Variants in SPTBN1 observed in about 807,000 individuals in gnomAD.
SPTBN1 encodes the protein spectrin beta, non-erythrocytic 1, also known as spectrin beta chain, non-erythrocytic 1.
In SPTBN1, 32 loss-of-function variants were observed where a neutral mutation model predicts 266.4. The observed-to-expected ratio is 0.12, with a 90% confidence interval of 0.09 to 0.16. The LOEUF (loss-of-function observed/expected upper bound fraction) is 0.16, where lower values mean the gene tolerates loss of function less well. Among genes scored for constraint, SPTBN1 ranks in the 10% least tolerant of loss-of-function variants. The probability of loss-of-function intolerance (pLI) is 1.00; values close to 1 mark genes in which losing one functional copy is unlikely to be tolerated. For missense variants in SPTBN1, 2,296 were observed against 3,067.1 expected, an observed-to-expected ratio of 0.75 and a Z score of 5.94; for synonymous variants, 1,336 against 1,162.2, an observed-to-expected ratio of 1.15 and a Z score of -3.04.
intron 2 of SPTBN1, chr2:54,535,165 A>G (rs1671527227): frequency 6.6e-6 from 1 of 152,258 alleles, no homozygotes; most frequent in Non-Finnish European, 1.5e-5. Flanking sequence ...GGAAAAATGT[A>G]TGTGACCTTT....
intron 2 of SPTBN1, among the ~76,000 whole-genome samples, chr2:54,536,605 A>C (rs574467406): frequency 2.6e-5 from 4 of 152,370 alleles, no homozygotes; most frequent in Non-Finnish European, 4.4e-5. Context: ...TATTTGGTCT[A>C]TGTCTAATGA....
At chr2:54,620,753 A>T (rs568139239) in intron 7 of SPTBN1, among the ~76,000 whole-genome samples, 1 of 152,316 alleles carries the variant, frequency 6.6e-6, no homozygotes, top group South Asian at 2.1e-4. Context: ...TGAATATTTG[A>T]CAAATTGATG....
At chr2:54,534,085 G>A (rs1455629338) in intron 2 of SPTBN1, among the ~76,000 whole-genome samples, 1 of 152,196 alleles carries the variant, frequency 6.6e-6, no homozygotes, top group Admixed American at 6.5e-5. Context: ...CTAGGCTGCA[G>A]GTCTCTGAGA....
intron 3 of SPTBN1, among the ~76,000 whole-genome samples, chr2:54,600,714 A>ATTTTTT (rs374090607): frequency 7.9e-6 from 1 of 126,958 alleles, no homozygotes. Flanking sequence ...TTATTTATTG[A>ATTTTTT]TTTTTTTTTT....
chr2:54,566,185 C>CTTTTTTTTTTTTTTTTTTT (rs59369956), intron 2 of SPTBN1, among the ~76,000 whole-genome samples: 1 of 125,224 alleles, frequency 8.0e-6, no homozygotes, highest in African/African-American at 3.1e-5. Context: ...TTTCTTTTTT[C>CTTTTTTTTTTTTTTTTTTT]TTTTTTTTTT....
intron 2 of SPTBN1, among the ~76,000 whole-genome samples, chr2:54,577,706 A>G (rs1236322219): frequency 6.6e-6 from 1 of 152,232 alleles, no homozygotes; most frequent in Non-Finnish European, 1.5e-5. Context: ...GTGCCCAAGG[A>G]CACTTAACTA....
At chr2:54,573,973 A>G (rs1415261048) in intron 2 of SPTBN1, among the ~76,000 whole-genome samples, 1 of 152,166 alleles carries the variant, frequency 6.6e-6, no homozygotes, top group African/African-American at 2.4e-5. Flanking sequence ...TGTGAGAATC[A>G]GTTAGAATAA....
intron 2 of SPTBN1, among the ~76,000 whole-genome samples, chr2:54,560,630 A>G (rs956714387): frequency 6.6e-6 from 1 of 152,226 alleles, no homozygotes; most frequent in Non-Finnish European, 1.5e-5. Flanking sequence ...CGAAAGGGGT[A>G]AGCTTCGTGT....
In SPTBN1 at chr2:54,628,227, A is replaced by G. The variant is rs1021178537; in HGVS notation, c.1775A>G (p.Gln592Arg). ...ERVRGVNASA[Q>R]KFATDGEGYK... ...GTGAGAGGTGTCAATGCCTCCGCCCAGAAGTTCGCAACAGACGGGGAAGGT... is the reference window on the plus strand; with the variant it reads ...GTGAGAGGTGTCAATGCCTCCGCCCGGAAGTTCGCAACAGACGGGGAAGGT... Residue 592 changes from glutamine (Q) to arginine (R), a missense_variant, in exon 13 of 36, where the codon CAG becomes CGG. This residue lies in a region of SPTBN1 where 434 missense variants were observed against 573.9 expected (regional missense o/e 0.76). Transcript: ENST00000356805. This position sits in a 1 kb window ranked among gnomAD's most constrained non-coding sequence, Gnocchi z 4.3. The G allele has an allele frequency of 4.3e-6, 7 of 1,613,694 alleles. No individual in the cohort carries two copies. The highest frequency in any genetic ancestry group is 5.9e-6 in the Non-Finnish European group (7 of 1,179,792).
intron 1 of SPTBN1, among the ~76,000 whole-genome samples, chr2:54,476,338 TA>T (rs1213685985): frequency 1.3e-5 from 2 of 152,188 alleles, no homozygotes; most frequent in African/African-American, 4.8e-5. Context: ...GTGTGATCAT[TA>T]AAAGTTTCTA....
chr2:54,491,824 C>A (rs1668699526), intron 1 of SPTBN1, among the ~76,000 whole-genome samples: 1 of 152,146 alleles, frequency 6.6e-6, no homozygotes, highest in Non-Finnish European at 1.5e-5. Context: ...TGGTCTTGAA[C>A]TTCTAGGCTC....
chr2:54,632,152 AGGGTCAG>A (rs1678782602), intron 16 of SPTBN1, among the ~76,000 whole-genome samples: 1 of 151,642 alleles, frequency 6.6e-6, no homozygotes, highest in African/African-American at 2.4e-5. Context: ...TTGCTCTAGA[AGGGTCAG>A]GGACTTCACC....
At chr2:54,621,179 T>C (rs550554294) in intron 7 of SPTBN1, among the ~76,000 whole-genome samples, 155 of 152,312 alleles carry the variant, frequency 1.0e-3, no homozygotes, top group African/African-American at 3.6e-3. Context: ...ACTATGTGTC[T>C]GTGGAAGGCG....
intron 1 of SPTBN1, among the ~76,000 whole-genome samples, chr2:54,491,306 A>G (rs978191779): frequency 1.3e-5 from 2 of 152,188 alleles, no homozygotes; most frequent in Admixed American, 6.5e-5. Context: ...AACCATACTC[A>G]AGGATTGAAG....
chr2:54,631,362 G>A lies in SPTBN1; in HGVS notation c.3315G>A (p.Glu1105=). Residue 1105 remains glutamate, a synonymous_variant, in exon 16 of 36, where the codon GAG becomes GAA. Transcript: ENST00000356805. ...TEAEKLLTQH[E]NIKNEIDNYE... ...CTGAGAAGCTGCTCACGCAGCACGA[G>A]AACATCAAGAACGAGATCGACAACT... The A allele has an allele frequency of 6.2e-7, 1 of 1,614,224 alleles. No individual in the cohort carries two copies. The highest frequency in any genetic ancestry group is 8.5e-7 in the Non-Finnish European group (1 of 1,180,036).
At chr2:54,465,506 C>T (rs780984420) in intron 1 of SPTBN1, among the ~76,000 whole-genome samples, 2 of 152,000 alleles carry the variant, frequency 1.3e-5, no homozygotes, top group Admixed American at 6.6e-5. Context: ...ATCTCAGCAT[C>T]TGGGAATATT....
At position 54,617,599 on chromosome 2, in the gene SPTBN1, C is replaced by T. The variant is rs373758791; in HGVS notation, c.567-9C>T. 100 of 1,613,864 alleles carry T rather than the reference C, an allele frequency of 6.2e-5. No homozygotes were observed. The highest frequency in any genetic ancestry group is 7.7e-5 in the Non-Finnish European group (91 of 1,179,908). ...GTGTTGCTTTTCCCTTCTGCTTTGT[C>T]CTTGGCAGGTACCCCAATGTCAACA... On this transcript the variant is annotated splice_polypyrimidine_tract_variant and intron_variant, in intron 5 of 35. Transcript: ENST00000356805.
At chr2:54,607,820 A>G (rs1226302879) in intron 3 of SPTBN1, among the ~76,000 whole-genome samples, 1 of 152,200 alleles carries the variant, frequency 6.6e-6, no homozygotes, top group African/African-American at 2.4e-5. Context: ...GCCTCTGCAC[A>G]TAATCTTATT....
intron 32 of SPTBN1, chr2:54,662,521 G>A (rs1681113318): frequency 6.0e-6 from 1 of 168,030 alleles, no homozygotes; most frequent in Non-Finnish European, 1.2e-5. Context: ...TCTCTACCCA[G>A]GTCATTGCTG....
Sources: gnomAD v4.1 joint callset for allele counts (sites outside exome capture counted in the v4.1 genomes callset) on GRCh38, gnomAD v4.1.1 for gene constraint, gnomAD v4.1.1 regional missense constraint, Gnocchi (gnomAD v3.1) non-coding constraint, MANE v1.5 for transcripts, NCBI Gene and HGNC (gene_info 2026-07-23, HGNC 2026-07-21) for gene names.